The following ZFP82 variants were observed in gnomAD, a reference collection of about 807,000 sequenced individuals.
ZFP82 encodes the protein ZFP82 zinc finger protein.
Under a neutral mutation model 54.0 loss-of-function variants are expected in ZFP82, and 30 were observed. The ratio of observed to expected loss-of-function variants is 0.56; its 90% confidence interval spans 0.42 to 0.75. The LOEUF is 0.75. Ranked by LOEUF, ZFP82 falls within the 30% of genes least tolerant of loss-of-function variation. The pLI is 0.00. For synonymous variants in ZFP82, 194 were observed against 209.5 expected (o/e 0.93, Z 0.64); for missense variants, 500 against 636.8 (o/e 0.79, Z 2.31).
At chr19:36,404,622 T>C (rs930246559) in intron 4 of ZFP82, among the ~76,000 whole-genome samples, 3 of 152,256 alleles carry the variant, frequency 2.0e-5, no homozygotes, top group Non-Finnish European at 2.9e-5. Context: ...ATAGGACTTA[T>C]GTTAACCTAA....
chr19:36,415,027 G>A (rs568182438), intron 1 of ZFP82, among the ~76,000 whole-genome samples: 3 of 152,200 alleles, frequency 2.0e-5, no homozygotes, highest in African/African-American at 7.2e-5. Flanking sequence ...CACCATGTTA[G>A]TCAGGCTGGT....
chr19:36,397,833 G>A (rs879135331), intron 4 of ZFP82, among the ~76,000 whole-genome samples: 5 of 151,976 alleles, frequency 3.3e-5, no homozygotes, highest in African/African-American at 4.8e-5. Flanking sequence ...TGATCCACCC[G>A]CCTCAGCCTC....
Position 36,405,679 on chromosome 19 carries a change from A to G in ZFP82, c.137-7T>C. ...GGTTTAGAAATGAAGCATCCTGCTT[A>G]GAAGAAAAGGAATATAAGGTACATG... On this transcript the variant is annotated splice_region_variant and splice_polypyrimidine_tract_variant and intron_variant, in intron 3 of 4. Coordinates refer to ENST00000392161, the MANE Select transcript of ZFP82 (RefSeq NM_133466.4). The G allele has an allele frequency of 6.3e-7, 1 of 1,587,208 alleles. No individual in the cohort carries two copies. The highest frequency in any genetic ancestry group is 8.6e-7 in the Non-Finnish European group (1 of 1,162,264).
chr19:36,384,327 G>C (rs2032092715), downstream of ZFP82: 1 of 152,100 alleles, frequency 6.6e-6, no homozygotes, highest in Non-Finnish European at 1.5e-5. Flanking sequence ...AAAGCAAGCA[G>C]CTGGTTACAA....
In ZFP82 at chr19:36,392,779, G is replaced by C; in HGVS notation, c.1561C>G (p.Leu521Val). Reference protein sequence around the residue: ...CKKAFRQHSHLTHHLKIHNVK... With the variant: ...CKKAFRQHSHVTHHLKIHNVK... ...TTATGAATTTTCAGATGATGAGTAA[G>C]GTGTGAATGTTGCCTAAAGGCCTTC... The change falls in exon 5 of 5, where the codon CTT becomes GTT. Residue 521 changes from leucine (L) to valine (V), a missense_variant. Transcript: ENST00000392161. The C allele has an allele frequency of 6.3e-7, 1 of 1,591,506 alleles. No homozygotes were observed. The highest frequency in any genetic ancestry group is 8.5e-7 in the Non-Finnish European group (1 of 1,171,886).
intron 2 of ZFP82, among the ~76,000 whole-genome samples, chr19:36,409,123 T>C (rs2032534468): frequency 1.3e-5 from 2 of 152,172 alleles, no homozygotes; most frequent in Middle Eastern, 3.4e-3. Flanking sequence ...TGTTCCTGAG[T>C]GTAACTCAGG....
chr19:36,399,724 A>G (rs896586030), intron 4 of ZFP82, among the ~76,000 whole-genome samples: 5 of 152,202 alleles, frequency 3.3e-5, no homozygotes, highest in Admixed American at 6.5e-5. Context: ...TTCTATGAAA[A>G]CAAAATTGAA....
chr19:36,394,081 A>C lies in ZFP82; in HGVS notation c.259T>G (p.Leu87Val). 3 of 1,609,884 alleles carry C rather than the reference A, an allele frequency of 1.9e-6. No individual in the cohort carries two copies. Among genetic ancestry groups the C allele is most frequent in the Non-Finnish European group, 2.5e-6 (3 of 1,179,214 alleles). The stretch of plus-strand genomic sequence containing the variant: ...TCATAAATGTCATTTTCTAAAGATA[A>C]CTTCTTGGTCTCATACTTGGTCTCC... Reference protein sequence around the residue: ...DLETKYETKKLSLENDIYEIN... With the variant: ...DLETKYETKKVSLENDIYEIN... The change falls in exon 5 of 5, where the codon TTA becomes GTA. Residue 87 changes from leucine (L) to valine (V), a missense_variant. Leu to Val is a conservative substitution (Grantham distance 32). Transcript: ENST00000392161.
intron 4 of ZFP82, among the ~76,000 whole-genome samples, chr19:36,401,211 C>T (rs1419916312): frequency 6.6e-6 from 1 of 152,160 alleles, no homozygotes; most frequent in African/African-American, 2.4e-5. Flanking sequence ...CATCCAGATC[C>T]ATGAATGTAA....
At chr19:36,394,300 G>T (rs1183951925) in intron 4 of ZFP82, 190 bp from the exon 5 acceptor site, 7 of 565,242 alleles carry the variant, frequency 1.2e-5, no homozygotes, top group Non-Finnish European at 2.1e-5. Flanking sequence ...AAAATAGCAA[G>T]ATTGGTGATG....
downstream of ZFP82, chr19:36,383,648 C>T (rs941736582): frequency 7.2e-5 from 11 of 151,986 alleles, no homozygotes; most frequent in East Asian, 1.9e-3. Context: ...GTTGACACAC[C>T]TGATTGCCTA....
At chr19:36,410,048 T>G (rs996333890) in intron 1 of ZFP82, among the ~76,000 whole-genome samples, 181 bp from the exon 2 acceptor site, 82 of 152,150 alleles carry the variant, frequency 5.4e-4, no homozygotes, top group African/African-American at 1.9e-3. Flanking sequence ...TGGACGAGTC[T>G]AATCCCTTGC....
In ZFP82 at chr19:36,393,042, A is replaced by G; in HGVS notation, c.1298T>C (p.Leu433Pro). Residue 433 changes from leucine (L) to proline (P), a missense_variant, in exon 5 of 5, where the codon CTA (leucine) becomes CCA (proline). Coordinates refer to ENST00000392161, the MANE Select transcript of ZFP82 (RefSeq NM_133466.4). Reference protein sequence around the residue: ...DCKECGKAFRLLSQLTQHQSI... With the variant: ...DCKECGKAFRPLSQLTQHQSI... ...CTGATGCTGTGTGAGTTGTGAAAGT[A>G]GTCTGAAGGCCTTCCCGCATTCCTT... is the stretch of plus-strand genomic sequence containing the variant. 1 of 1,614,184 alleles carries G rather than the reference A, an allele frequency of 6.2e-7. No homozygotes were observed. Among genetic ancestry groups the G allele is most frequent in the South Asian group, 1.1e-5 (1 of 91,082 alleles).
Position 36,417,565 on chromosome 19 carries a change from G to A in ZFP82, c.-79+927C>T, listed in dbSNP as rs114598083. Reference sequence around the variant, plus strand: ...TCCCGCTCGGACCCCTTTTCTTAAAGAATTGGGCAGGACTGGCTAATAAGG... The same window carrying A: ...TCCCGCTCGGACCCCTTTTCTTAAAAAATTGGGCAGGACTGGCTAATAAGG... On this transcript the variant is annotated intron_variant, in intron 1 of 4. Coordinates refer to ENST00000392161, the MANE Select transcript of ZFP82 (RefSeq NM_133466.4). Among the ~76,000 whole-genome samples the A allele has an allele frequency of 6.8e-3, 1,039 of 152,282 alleles. 20 individuals carry two copies. The highest frequency in any genetic ancestry group is 0.024 in the African/African-American group (988 of 41,544).
intron 4 of ZFP82, chr19:36,394,591 C>A: frequency 6.1e-6 from 1 of 162,674 alleles, no homozygotes; most frequent in Non-Finnish European, 1.3e-5. Flanking sequence ...GATCTCAAAC[C>A]AGTGTCCCCT....
rs2032195722 is a variant in ZFP82 at position 36,391,313 on chromosome 19, T to A, written c.*1428A>T. On this transcript the variant is annotated 3_prime_UTR_variant, in exon 5 of 5. Coordinates refer to ENST00000392161, the MANE Select transcript of ZFP82 (RefSeq NM_133466.4). ...CAGGAGCCAATTTGAGGGGATTGCC[T>A]CAAAATGCTAAATTGACAATTTAGC... is the stretch of plus-strand genomic sequence containing the variant. 6.6e-6 allele frequency: 1 copy of A among 151,958 alleles called. No individual in the cohort carries two copies. The highest frequency in any genetic ancestry group is 2.1e-4 in the South Asian group (1 of 4,820). 9.4% of individuals were successfully genotyped at this position (151,958 alleles called of 1,614,324 possible). A position where few individuals can be genotyped will look rare whatever the true frequency, so the allele number is the denominator to read the frequency against.
At chr19:36,408,826 A>C (rs887779101) in intron 2 of ZFP82, among the ~76,000 whole-genome samples, 8 of 152,176 alleles carry the variant, frequency 5.3e-5, no homozygotes, top group Non-Finnish European at 1.0e-4. Flanking sequence ...TCAAAAAAAA[A>C]CAAACAAAAA....
At chr19:36,408,687 A>G (rs966652459) in intron 2 of ZFP82, among the ~76,000 whole-genome samples, 1 of 152,060 alleles carries the variant, frequency 6.6e-6, no homozygotes, top group South Asian at 2.1e-4. Context: ...GCCTGGTGGC[A>G]CATGCCTGTA....
intron 1 of ZFP82, among the ~76,000 whole-genome samples, chr19:36,411,358 T>C (rs2032577556): frequency 6.6e-6 from 1 of 151,794 alleles, no homozygotes; most frequent in African/African-American, 2.4e-5. Context: ...GCATGCATGA[T>C]TCACTAAAAA....
Sources: allele counts gnomAD v4.1 joint callset (sites outside exome capture counted in the v4.1 genomes callset), GRCh38; gene constraint gnomAD v4.1.1; transcripts MANE v1.5; gene names NCBI Gene and HGNC (gene_info 2026-07-23, HGNC 2026-07-21).